Variants in ROBO2 observed in about 807,000 individuals in gnomAD.
The protein encoded by ROBO2 is roundabout guidance receptor 2.
A neutral mutation model predicts 160.8 loss-of-function variants in ROBO2; 53 were observed. That is an observed-to-expected ratio of 0.33 (90% CI 0.26 to 0.41). The LOEUF is 0.41. Among genes scored for constraint, ROBO2 ranks in the 10% least tolerant of loss-of-function variants. The pLI is 1.00. For synonymous variants in ROBO2, 664 were observed against 611.7 expected (o/e 1.09, Z -1.26); for missense variants, 1,577 against 1,722.4 (o/e 0.92, Z 1.49).
intron 2 of ROBO2, among the ~76,000 whole-genome samples, chr3:77,359,888 CTT>C (rs2069678738): frequency 6.6e-6 from 1 of 151,958 alleles, no homozygotes; most frequent in Non-Finnish European, 1.5e-5. Context: ...GTTTGACTCT[CTT>C]GCCCAGAGTG....
intron 2 of ROBO2, among the ~76,000 whole-genome samples, chr3:76,671,553 A>G (rs1211128262): frequency 6.6e-6 from 1 of 152,120 alleles, no homozygotes. Flanking sequence ...TTATTCTCAT[A>G]GGTTGCTGTT....
intron 2 of ROBO2, among the ~76,000 whole-genome samples, chr3:76,898,913 C>A (rs1293632315): frequency 6.6e-6 from 1 of 152,100 alleles, no homozygotes; most frequent in Non-Finnish European, 1.5e-5. Flanking sequence ...GCGTTATGTG[C>A]AAACACTTCA....
chr3:76,329,398 A>G (rs1019547868), intron 2 of ROBO2, among the ~76,000 whole-genome samples: 63 of 152,192 alleles, frequency 4.1e-4, no homozygotes, highest in African/African-American at 1.5e-3. Context: ...TTGTACTTTT[A>G]GTAGAGATGG....
intron 2 of ROBO2, among the ~76,000 whole-genome samples, chr3:77,145,849 C>T (rs766093869): frequency 2.0e-5 from 3 of 152,126 alleles, no homozygotes; most frequent in African/African-American, 7.2e-5. Context: ...GTTCTTCAGT[C>T]CAGTGTGGCA....
chr3:76,198,110 A>T (rs896454700), intron 2 of ROBO2, among the ~76,000 whole-genome samples: 4 of 152,152 alleles, frequency 2.6e-5, no homozygotes, highest in African/African-American at 9.7e-5. Context: ...AGTTCAGGAC[A>T]TGGTGGGAAG....
chr3:76,234,772 C>G (rs148114666), intron 2 of ROBO2, among the ~76,000 whole-genome samples: 2,485 of 152,264 alleles, frequency 0.016, 62 homozygotes, highest in African/African-American at 0.056. Flanking sequence ...TTTGAACTTC[C>G]TTGGCACAAG....
At chr3:77,028,902 C>G (rs898712936) in intron 2 of ROBO2, among the ~76,000 whole-genome samples, 2 of 152,124 alleles carry the variant, frequency 1.3e-5, no homozygotes, top group Non-Finnish European at 2.9e-5. Flanking sequence ...ATCCTTCTTT[C>G]TTTCCAATCC....
chr3:76,942,614 TA>T (rs2078264797), intron 2 of ROBO2, among the ~76,000 whole-genome samples: 3 of 152,206 alleles, frequency 2.0e-5, no homozygotes, highest in Non-Finnish European at 2.9e-5. Context: ...TATACACTCA[TA>T]TCCTTGACTG....
At chr3:76,194,345 G>GGTGT (rs201557774) in intron 2 of ROBO2, among the ~76,000 whole-genome samples, 40 of 29,206 alleles carry the variant, frequency 1.4e-3, no homozygotes, top group African/African-American at 4.9e-3. Flanking sequence ...AAATATGTAT[G>GGTGT]GTGTGTAAAT....
At chr3:77,322,484 G>C (rs1014107938) in intron 2 of ROBO2, among the ~76,000 whole-genome samples, 1 of 151,902 alleles carries the variant, frequency 6.6e-6, no homozygotes, top group African/African-American at 2.4e-5. Flanking sequence ...TAATGCTTAA[G>C]ACATTTTTTG....
intron 2 of ROBO2, among the ~76,000 whole-genome samples, chr3:76,593,514 A>G (rs1463424561): frequency 1.3e-5 from 2 of 152,132 alleles, no homozygotes; most frequent in African/African-American, 4.8e-5. Context: ...TCACCTTGAA[A>G]TGAATGAGCA....
intron 2 of ROBO2, among the ~76,000 whole-genome samples, chr3:76,363,572 C>T (rs1199020404): frequency 1.3e-5 from 2 of 152,056 alleles, no homozygotes; most frequent in East Asian, 3.9e-4. Context: ...ACTCTGAAGG[C>T]ATCTAGGTAA....
At chr3:76,071,213 C>G (rs2068442608) in intron 2 of ROBO2, among the ~76,000 whole-genome samples, 2 of 152,166 alleles carry the variant, frequency 1.3e-5, no homozygotes, top group African/African-American at 4.8e-5. Flanking sequence ...GTTGCTTAAT[C>G]ATAAATGCTT....
At chr3:77,276,544 T>C (rs1403127829) in intron 2 of ROBO2, among the ~76,000 whole-genome samples, 2 of 152,192 alleles carry the variant, frequency 1.3e-5, no homozygotes, top group Non-Finnish European at 2.9e-5. Context: ...TGCTGTTCTG[T>C]ATGTTCCCTC....
At chr3:76,637,006 C>T (rs1041840845) in intron 2 of ROBO2, among the ~76,000 whole-genome samples, 1 of 151,962 alleles carries the variant, frequency 6.6e-6, no homozygotes, top group African/African-American at 2.4e-5. Flanking sequence ...CTGATGATTT[C>T]CAGGGGAGTT....
At chr3:77,283,254 C>T (rs1230132903) in intron 2 of ROBO2, among the ~76,000 whole-genome samples, 2 of 152,078 alleles carry the variant, frequency 1.3e-5, no homozygotes, top group Non-Finnish European at 2.9e-5. Flanking sequence ...CCCTTTTCAC[C>T]ATTCAGCCAA....
At chr3:76,018,770 C>T (rs903955446) in intron 2 of ROBO2, among the ~76,000 whole-genome samples, 1 of 151,272 alleles carries the variant, frequency 6.6e-6, no homozygotes, top group South Asian at 2.1e-4. Flanking sequence ...CTGTGTATTC[C>T]TTGGAATTGG....
intron 2 of ROBO2, among the ~76,000 whole-genome samples, chr3:77,017,610 C>T (rs920125181): frequency 2.6e-5 from 4 of 152,160 alleles, no homozygotes; most frequent in Non-Finnish European, 4.4e-5. Flanking sequence ...TAAATAATTT[C>T]TTTTAAAAAG....
At chr3:76,476,506 C>G (rs887581091) in intron 2 of ROBO2, among the ~76,000 whole-genome samples, 2 of 152,134 alleles carry the variant, frequency 1.3e-5, no homozygotes, top group African/African-American at 4.8e-5. Context: ...AATGACATCT[C>G]CACCTACTTG....
Sources: gnomAD v4.1 joint callset for allele counts (sites outside exome capture counted in the v4.1 genomes callset) on GRCh38, gnomAD v4.1.1 for gene constraint, MANE v1.5 for transcripts, NCBI Gene and HGNC (gene_info 2026-07-23, HGNC 2026-07-21) for gene names.